Variants in CLSPN observed in about 807,000 individuals in gnomAD.
CLSPN encodes the protein claspin.
Under a neutral mutation model 156.3 loss-of-function variants are expected in CLSPN, and 85 were observed. The ratio of observed to expected loss-of-function variants is 0.54; its 90% CI spans 0.46 to 0.65. CLSPN has a LOEUF of 0.65. Among genes scored for constraint, CLSPN ranks in the 30% least tolerant of loss-of-function variants. CLSPN has a pLI of 0.00. For synonymous variants in CLSPN, 534 were observed against 542.4 expected (o/e 0.98, Z 0.22); for missense variants, 1,407 against 1,554.9 (o/e 0.90, Z 1.60).
chr1:35,727,441 C>T (rs1212735972), downstream of CLSPN, among the ~76,000 whole-genome samples: 1 of 152,214 alleles, frequency 6.6e-6, no homozygotes, highest in Non-Finnish European at 1.5e-5. Flanking sequence ...AGGCAATTCC[C>T]ACCCTGGAAG....
chr1:35,745,331 T>C (rs1641840847), intron 16 of CLSPN, 120 bp downstream of exon 16: 2 of 689,010 alleles, frequency 2.9e-6, no homozygotes, highest in Non-Finnish European at 2.5e-6. Flanking sequence ...ACTAGGCATA[T>C]ATGAGACTCA....
chr1:35,764,720 G>A lies in CLSPN; in HGVS notation c.134-6C>T. 1 of 1,545,456 alleles carries A rather than the reference G, an allele frequency of 6.5e-7. No homozygotes were observed. Among genetic ancestry groups the A allele is most frequent in the Non-Finnish European group, 8.7e-7 (1 of 1,150,876 alleles). On this transcript the variant is annotated splice_region_variant and splice_polypyrimidine_tract_variant and intron_variant, in intron 2 of 24. Transcript: ENST00000318121. ...AAATATCTCTTCATCTGAATCTGGA[G>A]GAAACAATTTTCTTTTAATTATACC... is the stretch of plus-strand genomic sequence containing the variant.
At chr1:35,747,788 A>G (rs749044082) in intron 14 of CLSPN, 119 bp downstream of exon 14, 30 of 955,658 alleles carry the variant, frequency 3.1e-5, no homozygotes, top group Non-Finnish European at 4.4e-5. Flanking sequence ...AATGGTCTGT[A>G]CACCTTCTCT....
chr1:35,769,335 C>T (rs918326521), intron 1 of CLSPN, among the ~76,000 whole-genome samples: 1 of 152,208 alleles, frequency 6.6e-6, no homozygotes, highest in Non-Finnish European at 1.5e-5. Context: ...GGTGACTTCC[C>T]CACTCGGGGC....
At chr1:35,754,559 C>G (rs192145101) in intron 8 of CLSPN, among the ~76,000 whole-genome samples, 2 of 152,164 alleles carry the variant, frequency 1.3e-5, no homozygotes, top group Non-Finnish European at 2.9e-5. Context: ...GTTAGCCAGG[C>G]TGGTCTCGAA....
chr1:35,733,640 A>T lies in CLSPN; in HGVS notation c.*2856T>A, dbSNP rs1012997513. 14 of 985,334 alleles carry T rather than the reference A, an allele frequency of 1.4e-5. No homozygotes were observed. The highest frequency in any genetic ancestry group is 1.7e-5 in the Non-Finnish European group (14 of 829,938). 61.0% of individuals were successfully genotyped at this position (985,334 alleles called of 1,614,324 possible). On this transcript the variant is annotated 3_prime_UTR_variant, in exon 25 of 25. Coordinates refer to ENST00000318121, the MANE Select transcript of CLSPN (RefSeq NM_022111.4). ...AAAAACATGTATCTTGAACCCATGG[A>T]TAAAATGAAGTACATACAAACTTAG...
rs1443640794 is a variant in CLSPN, at chr1:35,747,921, C to T, written c.2613G>A (p.Leu871=). ...FCLEDDTQSQ[L]LDADGFLNVR... ...AAACTACCTACCCATCTGCATCCAA[C>T]AGTTGGCTCTGAGTGTCATCTTCTA... Residue 871 remains leucine (L), a synonymous_variant, in exon 14 of 25, where the codon CTG becomes CTA. Transcript: ENST00000318121. 7 of 1,613,738 alleles carry T rather than the reference C, an allele frequency of 4.3e-6. No homozygotes were observed. The highest frequency in any genetic ancestry group is 5.9e-6 in the Non-Finnish European group (7 of 1,179,928).
At chr1:35,763,691 A>ATT (rs1236622801) in intron 3 of CLSPN, among the ~76,000 whole-genome samples, 1 of 152,206 alleles carries the variant, frequency 6.6e-6, no homozygotes, top group African/African-American at 2.4e-5. Flanking sequence ...ACAGCAAAGA[A>ATT]TTACTCCATG....
rs566754325 is a variant in CLSPN at position 35,768,937 on chromosome 1, T to A, written c.24+910A>T. 2.0e-4 allele frequency among the ~76,000 whole-genome samples: 31 copies of A among 152,262 alleles called. No individual in the cohort carries two copies. In the South Asian group the frequency reaches 2.9e-3, roughly 14 times the overall value. On this transcript the variant is annotated intron_variant, in intron 1 of 24. Coordinates refer to ENST00000318121, the MANE Select transcript of CLSPN (RefSeq NM_022111.4). ...TGAATAACATTAATGCAATATTTTT[T>A]AAAAAATTAAATCAATAATCTACAG...
At chr1:35,754,049 C>T (rs12087413) in intron 8 of CLSPN, 113 bp from the exon 9 acceptor site, 54,183 of 888,154 alleles carry the variant, frequency 0.061, 2,469 homozygotes, top group African/African-American at 0.22. Context: ...ACCACACATA[C>T]ACAGAGAAAC....
Position 35,743,240 on chromosome 1 carries a change from T to A in CLSPN, c.3044A>T (p.Asp1015Val). Residue 1015 changes from aspartate (D) to valine (V), a missense_variant and splice_region_variant, in exon 18 of 25, where the codon GAT becomes GTT. Physicochemically the swap from Asp to Val is radical, Grantham distance 152 (BLOSUM62 -3). Around this residue, in one of 3 missense-constraint regions of CLSPN, gnomAD observed 1,096 missense variants for 1,193.0 expected, o/e 0.92. Coordinates refer to ENST00000318121, the MANE Select transcript of CLSPN (RefSeq NM_022111.4). ...SNDNEFDSDE[D>V]EHSDSGNDLA... ...ATCATTACCAGAGTCACTGTGTTCA[T>A]CCTACAAAATCAGCATCATATCCAA... 6.2e-7 allele frequency: 1 copy of A among 1,610,692 alleles called. No homozygotes were observed. Among genetic ancestry groups the A allele is most frequent in the Non-Finnish European group, 8.5e-7 (1 of 1,177,210 alleles).
intron 1 of CLSPN, among the ~76,000 whole-genome samples, chr1:35,767,000 GC>G (rs940764043): frequency 2.0e-5 from 3 of 152,154 alleles, no homozygotes; most frequent in African/African-American, 7.2e-5. Flanking sequence ...GCCTGCCTCA[GC>G]CTCCCAAAAT....
Position 35,733,909 on chromosome 1 carries a change from G to T in CLSPN, c.*2587C>A. ...GGAAGGAGGATGCTGAAGCCCAGGA[G>T]TTCAAGGGTACAGTGAGCTATGATT... On this transcript the variant is annotated 3_prime_UTR_variant, in exon 25 of 25. Transcript: ENST00000318121. The T allele has an allele frequency of 1.3e-6, 1 of 762,262 alleles. No individual in the cohort carries two copies. The highest frequency in any genetic ancestry group is 1.6e-6 in the Non-Finnish European group (1 of 626,350). The allele number at this position is 762,262 out of a possible 1,614,324, so 47.2% of individuals were successfully genotyped here. A position where few individuals can be genotyped will look rare whatever the true frequency, so the allele number is the denominator to read the frequency against.
intron 9 of CLSPN, among the ~76,000 whole-genome samples, chr1:35,751,974 G>A (rs761673249): frequency 6.6e-6 from 1 of 152,024 alleles, no homozygotes; most frequent in African/African-American, 2.4e-5. Context: ...ATACATTTTC[G>A]ACATGTTAGC....
At chr1:35,742,054 G>GGAGGATCACTTGAGGCCAACA (rs1553134691) in intron 18 of CLSPN, among the ~76,000 whole-genome samples, 1 of 149,832 alleles carries the variant, frequency 6.7e-6, no homozygotes, top group Non-Finnish European at 1.5e-5. Context: ...AGCAGAGGCA[G>GGAGGATCACTTGAGGCCAACA]GAGGATCACT....
chr1:35,734,345 A>G lies in CLSPN; in HGVS notation c.*2151T>C. The G allele has an allele frequency of 2.0e-6, 2 of 985,336 alleles. No individual in the cohort carries two copies. The highest frequency in any genetic ancestry group is 2.4e-6 in the Non-Finnish European group (2 of 829,854). 61.0% of individuals were successfully genotyped at this position (985,336 alleles called of 1,614,324 possible). ...CCATTATAAGATTACAAGTATACAAACATAAGTATTGTCAAAGTCAACATC... is the reference window on the plus strand; with the variant it reads ...CCATTATAAGATTACAAGTATACAAGCATAAGTATTGTCAAAGTCAACATC... On this transcript the variant is annotated 3_prime_UTR_variant, in exon 25 of 25. Transcript: ENST00000318121.
intron 9 of CLSPN, 69 bp downstream of exon 9, chr1:35,753,676 T>C (rs1642175022): frequency 4.9e-6 from 7 of 1,424,136 alleles, no homozygotes; most frequent in South Asian, 1.2e-5. Context: ...TATAAGGTTT[T>C]CAATAGCCTT....
At chr1:35,753,637 C>G (rs1557515820) in intron 9 of CLSPN, 108 bp downstream of exon 9, 2 of 1,088,354 alleles carry the variant, frequency 1.8e-6, no homozygotes, top group African/African-American at 3.2e-5. Flanking sequence ...TGCAAAGCCT[C>G]CAAGGAAAAA....
At position 35,739,427 on chromosome 1, in the gene CLSPN, G is replaced by C; in HGVS notation, c.3246C>G (p.Asp1082Glu). The C allele has an allele frequency of 1.2e-6, 2 of 1,613,806 alleles. No individual in the cohort carries two copies. Among genetic ancestry groups the C allele is most frequent in the South Asian group, 1.1e-5 (1 of 91,064 alleles). The change falls in exon 19 of 25, where the codon GAC becomes GAG. Residue 1082 changes from aspartate (D) to glutamate (E), a missense_variant. Physicochemically the swap from Asp to Glu is conservative, Grantham distance 45 (BLOSUM62 2). This residue lies in a region of CLSPN where 70 missense variants were observed against 121.5 expected (regional missense o/e 0.58). Transcript: ENST00000318121. ...CAGAAGGAAGTACTTCATCAATTAC[G>C]TCCTCTTCATATTCATCAATTTCTT... The part of the protein sequence containing the change: ...DGEEIDEYEE[D>E]VIDEVLPSDE...
Sources: allele counts gnomAD v4.1 joint callset (sites outside exome capture counted in the v4.1 genomes callset), GRCh38; gene constraint gnomAD v4.1.1; regional missense constraint gnomAD v4.1.1; transcripts MANE v1.5; gene names NCBI Gene and HGNC (gene_info 2026-07-23, HGNC 2026-07-21).